The following ATP13A3 variants were observed in gnomAD, a reference collection of about 807,000 sequenced individuals.
ATP13A3 encodes ATPase 13A3.
In ATP13A3, 59 loss-of-function variants were observed where a neutral mutation model predicts 158.1. The ratio of observed to expected loss-of-function variants is 0.37; its 90% CI spans 0.30 to 0.46. ATP13A3 has a LOEUF of 0.46. ATP13A3 is among the 20% of genes least tolerant of loss of function. The pLI is 1.00. For synonymous variants in ATP13A3, 491 were observed against 504.3 expected, an observed-to-expected ratio of 0.97 and a Z score of 0.35; for missense variants, 1,166 against 1,525.2, an observed-to-expected ratio of 0.76 and a Z score of 3.92.
At chr3:194,453,855 A>C in intron 9 of ATP13A3, 77 bp from the exon 10 acceptor site, 1 of 1,087,066 alleles carries the variant, frequency 9.2e-7, no homozygotes, top group Non-Finnish European at 1.4e-6. Flanking sequence ...TGCTAAAAAA[A>C]TAAGTTAATT....
chr3:194,481,279 T>C (rs1442524300), intron 2 of ATP13A3, among the ~76,000 whole-genome samples: 1 of 148,548 alleles, frequency 6.7e-6, no homozygotes, highest in Non-Finnish European at 1.5e-5. Context: ...CTTAGACACA[T>C]ATGTGGGAGC....
Position 194,448,140 on chromosome 3 carries a change from T to G in ATP13A3, c.1151-131A>C. 1 of 890,130 alleles carries G rather than the reference T, an allele frequency of 1.1e-6. No individual in the cohort carries two copies. The highest frequency in any genetic ancestry group is 1.7e-6 in the Non-Finnish European group (1 of 582,476). The allele number at this position is 890,130 out of a possible 1,614,324, so 55.1% of individuals were successfully genotyped here. On this transcript the variant is annotated intron_variant, in intron 12 of 33. Transcript: ENST00000645319. This position sits in a 1 kb window ranked among gnomAD's most constrained non-coding sequence, Gnocchi z 4.0. ...TCACCCAGGCTGGAGTACAGTGGTGTGATCTCGACTCACTGCAAGCTCCGC... is the reference window on the plus strand; with the variant it reads ...TCACCCAGGCTGGAGTACAGTGGTGGGATCTCGACTCACTGCAAGCTCCGC...
rs1273041400 is a variant in ATP13A3 at position 194,426,677 on chromosome 3, G to GT, written c.3125+397dup. Among the ~76,000 whole-genome samples, 98 of 152,270 alleles carry GT rather than the reference G, an allele frequency of 6.4e-4. 1 individual carries two copies. Among genetic ancestry groups the GT allele is most frequent in the East Asian group, 3.9e-3 (20 of 5,184 alleles). On this transcript the variant is annotated intron_variant, in intron 29 of 33. Coordinates refer to ENST00000645319, the MANE Select transcript of ATP13A3 (RefSeq NM_001367549.1). ...TACAGGCAAATACAAGCCAAATTATGTAAGTGTTTAAAGCAGCCTGCATGC... is the reference window on the plus strand; with the variant it reads ...TACAGGCAAATACAAGCCAAATTATGTTAAGTGTTTAAAGCAGCCTGCATGC...
At chr3:194,471,915 A>T (rs895270325) in intron 2 of ATP13A3, 2 of 152,776 alleles carry the variant, frequency 1.3e-5, no homozygotes, top group African/African-American at 2.4e-5. Flanking sequence ...ATCTCTGTGA[A>T]GACCCTGACC....
intron 2 of ATP13A3, among the ~76,000 whole-genome samples, chr3:194,493,751 G>GT (rs1468277029): frequency 6.6e-6 from 1 of 152,072 alleles, no homozygotes; most frequent in African/African-American, 2.4e-5. Flanking sequence ...CCTTATTCAT[G>GT]TTTTTTTCCT....
chr3:194,429,687 C>A lies in ATP13A3; in HGVS notation c.2865G>T (p.Leu955=). 6.2e-7 allele frequency: 1 copy of A among 1,607,362 alleles called. No homozygotes were observed. The highest frequency in any genetic ancestry group is 8.5e-7 in the Non-Finnish European group (1 of 1,174,300). Residue 955 remains leucine (L), a synonymous_variant, in exon 27 of 34, where the codon CTG becomes CTT. Transcript: ENST00000645319. ...CAATGTTAATACTCACAGAATACAG[C>A]AGAGTAACACTGAAGTACTGGATAA... ...YSIIQYFSVT[L]LYSILSNLGD...
chr3:194,462,243 G>A lies in ATP13A3; in HGVS notation c.-46-7C>T, dbSNP rs1331133405. ...TTCAAACAATGGAAGATCACTGAGG[G>A]AAGAAAGGGAACAGACGTTAGGGAA... On this transcript the variant is annotated splice_polypyrimidine_tract_variant and splice_region_variant and intron_variant, in intron 2 of 33. Transcript: ENST00000645319. The A allele has an allele frequency of 9.3e-6, 14 of 1,503,558 alleles. No homozygotes were observed. In the African/African-American group the frequency reaches 1.7e-4, roughly 18 times the overall value. The allele number at this position is 1,503,558 out of a possible 1,614,324, so 93.1% of individuals were successfully genotyped here. A position where few individuals can be genotyped will look rare whatever the true frequency, so the allele number is the denominator to read the frequency against.
chr3:194,432,573 A>G (rs1300229990), intron 21 of ATP13A3, among the ~76,000 whole-genome samples: 1 of 152,170 alleles, frequency 6.6e-6, no homozygotes, highest in Admixed American at 6.5e-5. Context: ...TGGCAAGGGG[A>G]AAATAAATAA....
At chr3:194,440,901 C>G (rs546810612) in intron 16 of ATP13A3, among the ~76,000 whole-genome samples, 1 of 152,204 alleles carries the variant, frequency 6.6e-6, no homozygotes, top group East Asian at 1.9e-4. Context: ...AAAACATGTG[C>G]ATGTATGTGG....
At chr3:194,445,059 CA>C (rs200262289) in intron 14 of ATP13A3, among the ~76,000 whole-genome samples, 2,527 of 147,912 alleles carry the variant, frequency 0.017, 76 homozygotes, top group African/African-American at 0.059. Context: ...CTTATACTAT[CA>C]AAAAAAAAAT....
In ATP13A3 at chr3:194,426,141, C is replaced by T. The variant is rs185742441; in HGVS notation, c.3126-612G>A. ...GTGCTCACGAAACGTGATTAACAGA[C>T]TATGCTGCAAGTGAACTATGGGAAG... is the stretch of plus-strand genomic sequence containing the variant. On this transcript the variant is annotated intron_variant, in intron 29 of 33. Coordinates refer to ENST00000645319, the MANE Select transcript of ATP13A3 (RefSeq NM_001367549.1). Among the ~76,000 whole-genome samples the T allele has an allele frequency of 5.3e-5, 8 of 152,238 alleles. No homozygotes were observed. The East Asian group carries it at 1.5e-3, about 29-fold the overall frequency.
intron 33 of ATP13A3, among the ~76,000 whole-genome samples, chr3:194,408,937 C>G (rs1470611384): frequency 6.6e-6 from 1 of 152,128 alleles, no homozygotes; most frequent in Non-Finnish European, 1.5e-5. Flanking sequence ...CTGTGTAACA[C>G]AAAGGCCATG....
At chr3:194,442,672 T>C (rs946260751) in intron 15 of ATP13A3, among the ~76,000 whole-genome samples, 8 of 151,600 alleles carry the variant, frequency 5.3e-5, no homozygotes, top group Non-Finnish European at 1.2e-4. Flanking sequence ...AAGGCCATAA[T>C]GGAAGTAAAA....
intron 20 of ATP13A3, among the ~76,000 whole-genome samples, chr3:194,436,141 C>T (rs1350054135): frequency 1.3e-5 from 2 of 151,088 alleles, no homozygotes; most frequent in Admixed American, 1.3e-4. Flanking sequence ...TTTTTTTAAA[C>T]TCATGCTTAG....
intron 1 of ATP13A3, among the ~76,000 whole-genome samples, chr3:194,486,136 T>C (rs1444088461): frequency 6.6e-6 from 1 of 152,074 alleles, no homozygotes; most frequent in African/African-American, 2.4e-5. Context: ...CAGAAGTCAC[T>C]TTTCCTCCAC....
intron 2 of ATP13A3, among the ~76,000 whole-genome samples, chr3:194,465,029 CCAAGTTGAGA>C (rs1255475099): frequency 1.3e-5 from 2 of 152,160 alleles, no homozygotes; most frequent in African/African-American, 4.8e-5. Context: ...CTGCTTCCAA[CCAAGTTGAGA>C]CAAAAGGGAT....
chr3:194,418,236 T>C (rs183158904), intron 31 of ATP13A3, among the ~76,000 whole-genome samples: 1 of 152,110 alleles, frequency 6.6e-6, no homozygotes, highest in Non-Finnish European at 1.5e-5. Flanking sequence ...TGTGAGAGTA[T>C]CTTTATAACT....
At chr3:194,460,569 TC>T (rs1719578624) in intron 4 of ATP13A3, 88 bp downstream of exon 4, 1 of 1,336,050 alleles carries the variant, frequency 7.5e-7, no homozygotes, top group Non-Finnish European at 1.0e-6. Context: ...GCAGCGATGT[TC>T]CCTTCATCTA....
chr3:194,423,573 C>T (rs974375763), intron 30 of ATP13A3, among the ~76,000 whole-genome samples: 89 of 152,212 alleles, frequency 5.8e-4, no homozygotes, highest in African/African-American at 2.0e-3. Context: ...TGCTTTACAA[C>T]AGCAAGTGCT....
Sources: gnomAD v4.1 joint callset for allele counts (sites outside exome capture counted in the v4.1 genomes callset) on GRCh38, gnomAD v4.1.1 for gene constraint, Gnocchi (gnomAD v3.1) non-coding constraint, MANE v1.5 for transcripts, NCBI Gene and HGNC (gene_info 2026-07-23, HGNC 2026-07-21) for gene names.